Variants in ROBO2 observed in about 807,000 individuals in gnomAD.
The protein encoded by ROBO2 is roundabout homolog 2.
A neutral mutation model predicts 160.8 loss-of-function variants in ROBO2; 53 were observed. The ratio of observed to expected loss-of-function variants is 0.33; its 90% CI spans 0.26 to 0.41. The LOEUF (loss-of-function observed/expected upper bound fraction) is 0.41, where lower values mean the gene tolerates loss of function less well. Ranked by LOEUF, ROBO2 falls within the 10% of genes least tolerant of loss-of-function variation. ROBO2 has a pLI of 1.00. For missense variants in ROBO2, 1,577 were observed against 1,722.4 expected, an observed-to-expected ratio of 0.92 and a Z score of 1.49; for synonymous variants, 664 against 611.7, an observed-to-expected ratio of 1.09 and a Z score of -1.26.
chr3:76,325,290 G>C (rs1417471232), intron 2 of ROBO2, among the ~76,000 whole-genome samples: 1 of 152,138 alleles, frequency 6.6e-6, no homozygotes, highest in Non-Finnish European at 1.5e-5. Flanking sequence ...AAAGCAAAAA[G>C]AGCCAGTTAG....
intron 2 of ROBO2, among the ~76,000 whole-genome samples, chr3:76,142,367 C>G (rs1414044794): frequency 6.6e-6 from 1 of 151,986 alleles, no homozygotes; most frequent in East Asian, 1.9e-4. Context: ...ATCTGCACTC[C>G]TACGTTTGTT....
At chr3:76,886,855 C>A (rs1031261121) in intron 2 of ROBO2, among the ~76,000 whole-genome samples, 2 of 152,222 alleles carry the variant, frequency 1.3e-5, no homozygotes, top group African/African-American at 4.8e-5. Flanking sequence ...TATGTGGCTA[C>A]TTAAATGTAA....
chr3:76,382,866 A>G (rs924059576), intron 2 of ROBO2, among the ~76,000 whole-genome samples: 1 of 152,222 alleles, frequency 6.6e-6, no homozygotes, highest in Non-Finnish European at 1.5e-5. Context: ...GTGACCTTCA[A>G]GGGTGGTTCA....
At chr3:77,437,649 A>G (rs6797377) in intron 2 of ROBO2, among the ~76,000 whole-genome samples, 23,067 of 151,962 alleles carry the variant, frequency 0.15, 2,265 homozygotes, top group African/African-American at 0.27. Context: ...CTCCTTTATT[A>G]CATTATTCAT....
chr3:75,940,380 G>A (rs1947997586), intron 2 of ROBO2, among the ~76,000 whole-genome samples: 1 of 152,140 alleles, frequency 6.6e-6, no homozygotes. Context: ...GTCAAAATAA[G>A]AGAAAAGGGA....
intron 2 of ROBO2, among the ~76,000 whole-genome samples, chr3:77,290,325 CACCCCAGACA>C (rs1362043888): frequency 9.8e-6 from 1 of 101,890 alleles, no homozygotes; most frequent in Non-Finnish European, 2.1e-5. Context: ...GAGGCTAGAT[CACCCCAGACA>C]TAAAGTAAAA....
chr3:76,774,732 G>A (rs2062128990), intron 2 of ROBO2, among the ~76,000 whole-genome samples: 1 of 150,492 alleles, frequency 6.6e-6, no homozygotes, highest in African/African-American at 2.4e-5. Context: ...TTTTTAAAAG[G>A]CAGTATTTTC....
intron 2 of ROBO2, among the ~76,000 whole-genome samples, chr3:76,790,930 T>C (rs1023836266): frequency 6.6e-6 from 1 of 151,648 alleles, no homozygotes; most frequent in African/African-American, 2.4e-5. Context: ...TCTTCTTTAG[T>C]TAAATGGGAA....
chr3:76,076,603 A>T lies in ROBO2; in HGVS notation c.109+139001A>T, dbSNP rs190692212. The stretch of plus-strand genomic sequence containing the variant: ...TGCAAGCTATAAAATTAATTTTATT[A>T]TAGAAATTGCATTACACTTAACAGC... On this transcript the variant is annotated intron_variant, in intron 2 of 26. Transcript: ENST00000487694. 3.7e-3 allele frequency among the ~76,000 whole-genome samples: 570 copies of T among 152,332 alleles called. 4 individuals carry two copies. The highest frequency in any genetic ancestry group is 0.013 in the African/African-American group (546 of 41,560).
intron 2 of ROBO2, among the ~76,000 whole-genome samples, chr3:76,859,740 A>G (rs1197102594): frequency 6.6e-6 from 1 of 152,176 alleles, no homozygotes; most frequent in Non-Finnish European, 1.5e-5. Context: ...GGTGGTGGCC[A>G]CACATCTTCT....
chr3:76,425,617 TC>T (rs1453653633), intron 2 of ROBO2, among the ~76,000 whole-genome samples: 5 of 151,958 alleles, frequency 3.3e-5, no homozygotes, highest in African/African-American at 1.2e-4. Context: ...TCAAAAATTT[TC>T]CATGACCAAA....
chr3:76,596,780 C>G (rs1034365958), intron 2 of ROBO2, among the ~76,000 whole-genome samples: 2 of 151,958 alleles, frequency 1.3e-5, no homozygotes, highest in African/African-American at 4.8e-5. Context: ...CCCTGATGGC[C>G]CATTAAAGGT....
In ROBO2 at chr3:76,172,717, C is replaced by T. The variant is rs375201872; in HGVS notation, c.109+235115C>T. 1.6e-4 allele frequency among the ~76,000 whole-genome samples: 24 copies of T among 152,168 alleles called. No homozygotes were observed. In the South Asian group the frequency reaches 5.0e-3, roughly 32 times the overall value. On this transcript the variant is annotated intron_variant, in intron 2 of 26. Coordinates refer to the ROBO2 transcript ENST00000487694. ...GAAATAACCCAGATGCTGTAATCAT[C>T]AGATGATGACTTTTAGCCACACTTC...
At position 76,274,708 on chromosome 3, in the gene ROBO2, C is replaced by T. The variant is rs916710605; in HGVS notation, c.109+337106C>T. Among the ~76,000 whole-genome samples the T allele has an allele frequency of 5.3e-5, 8 of 151,624 alleles. No homozygotes were observed. The East Asian group carries it at 1.6e-3, about 30-fold the overall frequency. ...AAAAAATTAGCCGGGCATGGTGGCA[C>T]GCACCTGTAGTCCCAGCTACTCAGG... On this transcript the variant is annotated intron_variant, in intron 2 of 26. Coordinates refer to the ROBO2 transcript ENST00000487694.
chr3:76,110,535 G>A (rs1245238161), intron 2 of ROBO2, among the ~76,000 whole-genome samples: 53 of 152,030 alleles, frequency 3.5e-4, no homozygotes, highest in Admixed American at 3.5e-3. Flanking sequence ...ATATAAGATG[G>A]AAAATAATGG....
chr3:76,663,926 C>T (rs1202514790), intron 2 of ROBO2, among the ~76,000 whole-genome samples: 1 of 151,584 alleles, frequency 6.6e-6, no homozygotes, highest in Non-Finnish European at 1.5e-5. Flanking sequence ...AAAGAAAAGG[C>T]ATTTAGCTGA....
At chr3:77,648,955 C>T (rs1005227588) in exon 26 of ROBO2, 4 of 152,218 alleles carry the variant, frequency 2.6e-5, no homozygotes, top group Non-Finnish European at 5.9e-5. Context: ...ATGTCCAATA[C>T]AAGCACAGCT....
At chr3:77,212,037 A>G (rs1381415670) in intron 2 of ROBO2, among the ~76,000 whole-genome samples, 4 of 152,184 alleles carry the variant, frequency 2.6e-5, no homozygotes, top group Non-Finnish European at 5.9e-5. Flanking sequence ...CTTTTGGCTT[A>G]GGATTGACTT....
intron 2 of ROBO2, among the ~76,000 whole-genome samples, chr3:77,427,994 A>G (rs185226057): frequency 2.6e-4 from 40 of 152,338 alleles, no homozygotes; most frequent in Admixed American, 5.9e-4. Flanking sequence ...TTCATTAAAA[A>G]TGTGGCATTT....
Sources: gnomAD v4.1 joint callset for allele counts (sites outside exome capture counted in the v4.1 genomes callset) on GRCh38, gnomAD v4.1.1 for gene constraint, MANE v1.5 for transcripts, NCBI Gene and HGNC (gene_info 2026-07-23, HGNC 2026-07-21) for gene names.